WDFY4: variants seen among roughly 807,000 people sequenced by gnomAD.
The protein encoded by WDFY4 is WD repeat- and FYVE domain-containing protein 4.
WDFY4 carries 169 observed loss-of-function variants against 351.9 expected under a neutral mutation model. That is an observed-to-expected ratio of 0.48 (90% CI 0.42 to 0.55). The LOEUF is 0.55. Ranked by LOEUF, WDFY4 falls within the 20% of genes least tolerant of loss-of-function variation. The pLI, the probability that WDFY4 is intolerant of heterozygous loss-of-function variation, is 0.00. For missense variants in WDFY4, 3,803 were observed against 3,935.6 expected (o/e 0.97, Z 0.90); for synonymous variants, 1,622 against 1,574.6 (o/e 1.03, Z -0.71).
intron 44 of WDFY4, among the ~76,000 whole-genome samples, chr10:48,892,142 G>A (rs947373751): frequency 2.0e-5 from 3 of 152,160 alleles, no homozygotes; most frequent in African/African-American, 7.2e-5. Context: ...CTCTGAGAGC[G>A]GATGAAAGCT....
intron 56 of WDFY4, 139 bp downstream of exon 56, chr10:48,969,387 G>C: frequency 9.0e-7 from 1 of 1,111,116 alleles, no homozygotes; most frequent in Admixed American, 2.4e-5. Flanking sequence ...GCCTGGGCGG[G>C]AAAGGACTCA....
chr10:48,707,550 G>A (rs989792791), intron 1 of WDFY4, among the ~76,000 whole-genome samples: 1 of 152,166 alleles, frequency 6.6e-6, no homozygotes, highest in Non-Finnish European at 1.5e-5. Context: ...AAGTAAAATA[G>A]GCATGTGATG....
At chr10:48,945,138 G>C (rs1007411740) in intron 49 of WDFY4, among the ~76,000 whole-genome samples, 17 of 152,208 alleles carry the variant, frequency 1.1e-4, no homozygotes, top group Non-Finnish European at 2.4e-4. Context: ...CACTTTGGGA[G>C]GCCGAAGCAG....
At chr10:48,920,667 G>A (rs1372705156) in intron 47 of WDFY4, among the ~76,000 whole-genome samples, 2 of 152,150 alleles carry the variant, frequency 1.3e-5, no homozygotes, top group Admixed American at 6.5e-5. Context: ...TCTAACCAGT[G>A]CAATAATGCA....
intron 8 of WDFY4, among the ~76,000 whole-genome samples, chr10:48,730,279 T>C (rs2064414278): frequency 1.3e-5 from 2 of 152,176 alleles, no homozygotes; most frequent in South Asian, 4.1e-4. Context: ...GTCTGGGAAG[T>C]GAGAGCTTCT....
intron 7 of WDFY4, 96 bp from the exon 8 acceptor site, chr10:48,729,336 A>G (rs142707966): frequency 3.4e-6 from 5 of 1,486,684 alleles, no homozygotes; most frequent in East Asian, 4.9e-5. Flanking sequence ...CCCAGCTTGC[A>G]GATCCCCATT....
At chr10:48,695,620 G>A (rs2063311259) in intron 1 of WDFY4, among the ~76,000 whole-genome samples, 1 of 152,120 alleles carries the variant, frequency 6.6e-6, no homozygotes, top group Admixed American at 6.5e-5. Flanking sequence ...ACTTTTCCAT[G>A]GCCTTTCTTA....
Position 48,981,316 on chromosome 10 carries a change from T to C in WDFY4, c.9377-51T>C. The C allele has an allele frequency of 2.0e-6, 3 of 1,503,558 alleles. No individual in the cohort carries two copies. In the South Asian group the frequency reaches 3.6e-5, roughly 18 times the overall value. 93.1% of individuals were successfully genotyped at this position (1,503,558 alleles called of 1,614,324 possible). A position where few individuals can be genotyped will look rare whatever the true frequency, so the allele number is the denominator to read the frequency against. ...GCCCCGTGTGCAGATGCACACTGTA[T>C]GTGCGAAGCCGATCTGGCGTTCTAA... On this transcript the variant is annotated intron_variant, in intron 60 of 61. Coordinates refer to ENST00000325239, the MANE Select transcript of WDFY4 (RefSeq NM_001394531.1).
chr10:48,975,209 C>A lies in WDFY4; in HGVS notation c.9108+168C>A, dbSNP rs141377223. The A allele has an allele frequency of 4.7e-4, 405 of 867,094 alleles. 5 individuals are homozygous for A. In the East Asian group the frequency reaches 6.0e-3, roughly 13 times the overall value. 53.7% of individuals were successfully genotyped at this position (867,094 alleles called of 1,614,324 possible). A position where few individuals can be genotyped will look rare whatever the true frequency, so the allele number is the denominator to read the frequency against. On this transcript the variant is annotated intron_variant, in intron 58 of 61. Transcript: ENST00000325239. ...TAGATCTCACTTGTAGCACCCAGGT[C>A]TAGCTTCAATGTCCGCTTCTTTACT...
chr10:48,944,828 AT>A (rs1422237476), intron 49 of WDFY4, among the ~76,000 whole-genome samples: 1 of 152,056 alleles, frequency 6.6e-6, no homozygotes, highest in Non-Finnish European at 1.5e-5. Context: ...AAATTAGGAG[AT>A]TTCTCCTTTA....
At chr10:48,979,495 C>T (rs999920926) in intron 60 of WDFY4, among the ~76,000 whole-genome samples, 1 of 152,098 alleles carries the variant, frequency 6.6e-6, no homozygotes, top group Non-Finnish European at 1.5e-5. Context: ...ACGGCATTAG[C>T]TAAGCCTACG....
chr10:48,887,887 C>A (rs7088194), intron 43 of WDFY4, among the ~76,000 whole-genome samples: 93,520 of 152,024 alleles, frequency 0.62, 29,162 homozygotes, highest in Non-Finnish European at 0.67. Flanking sequence ...ATTTGAAAGC[C>A]ACCTGAATCA....
intron 47 of WDFY4, among the ~76,000 whole-genome samples, chr10:48,933,618 A>G (rs1462141593): frequency 1.3e-5 from 2 of 152,182 alleles, no homozygotes; most frequent in East Asian, 3.9e-4. Flanking sequence ...CCTGAAAAAG[A>G]AGCATGCATG....
At chr10:48,822,579 T>A in intron 35 of WDFY4, 42 bp downstream of exon 35, 1 of 1,455,528 alleles carries the variant, frequency 6.9e-7, no homozygotes, top group Non-Finnish European at 9.2e-7. Context: ...TGGATCTGAA[T>A]GATGTGCTCC....
chr10:48,780,640 C>T (rs1032265730), intron 19 of WDFY4, among the ~76,000 whole-genome samples: 3 of 152,178 alleles, frequency 2.0e-5, no homozygotes, highest in Non-Finnish European at 4.4e-5. Flanking sequence ...CTGGAGGAAG[C>T]ATCTCATGGC....
intron 47 of WDFY4, among the ~76,000 whole-genome samples, chr10:48,914,993 C>A (rs1343697665): frequency 6.6e-6 from 1 of 152,188 alleles, no homozygotes; most frequent in Non-Finnish European, 1.5e-5. Flanking sequence ...GCCGTGACTG[C>A]CTCAGTGCAG....
intron 40 of WDFY4, among the ~76,000 whole-genome samples, chr10:48,868,736 C>T (rs143464329): frequency 1.3e-5 from 2 of 152,326 alleles, no homozygotes; most frequent in Admixed American, 6.5e-5. Flanking sequence ...TTTATCTAAA[C>T]TTCCTAATCT....
Position 48,743,131 on chromosome 10 carries a change from T to C in WDFY4, c.2042T>C (p.Val681Ala). 1 of 1,551,528 alleles carries C rather than the reference T, an allele frequency of 6.4e-7. No individual in the cohort carries two copies. Among genetic ancestry groups the C allele is most frequent in the East Asian group, 2.4e-5 (1 of 40,910 alleles). Reference protein sequence around the residue: ...AVSPRQTLELVLYTLCAVSAA... With the variant: ...AVSPRQTLELALYTLCAVSAA... ...TCCCCCAGACAGACCCTGGAGCTGG[T>C]TTTGTACACTCTCTGTGCTGTGTCC... The change falls in exon 12 of 62, where the codon GTT becomes GCT. Residue 681 changes from valine to alanine, a missense_variant. Physicochemically the swap from Val to Ala is moderately conservative, Grantham distance 64. Coordinates refer to ENST00000325239, the MANE Select transcript of WDFY4 (RefSeq NM_001394531.1).
intron 53 of WDFY4, among the ~76,000 whole-genome samples, chr10:48,960,092 C>T (rs549045833): frequency 3.9e-5 from 6 of 152,286 alleles, no homozygotes; most frequent in Non-Finnish European, 5.9e-5. Flanking sequence ...GGTCAGTGTC[C>T]TCAGCCAGCC....
Sources: allele counts gnomAD v4.1 joint callset (sites outside exome capture counted in the v4.1 genomes callset), GRCh38; gene constraint gnomAD v4.1.1; transcripts MANE v1.5; gene names NCBI Gene and HGNC (gene_info 2026-07-23, HGNC 2026-07-21).